Variants in CASK observed in about 807,000 individuals in gnomAD.
CASK encodes peripheral plasma membrane protein CASK.
A neutral mutation model predicts 82.9 loss-of-function variants in CASK; 4 were observed. The ratio of observed to expected loss-of-function variants is 0.05; its 90% CI spans 0.02 to 0.11. The LOEUF (loss-of-function observed/expected upper bound fraction) is 0.11. Ranked by LOEUF, CASK falls within the 10% of genes least tolerant of loss-of-function variation. The pLI, the probability that CASK is intolerant of heterozygous loss-of-function variation, is 1.00. For missense variants in CASK, 358 were observed against 720.9 expected, an observed-to-expected ratio of 0.50 and a Z score of 5.76; for synonymous variants, 259 against 253.5, an observed-to-expected ratio of 1.02 and a Z score of -0.20.
At chrX:41,877,135 C>T (rs772358738) in intron 1 of CASK, among the ~76,000 whole-genome samples, 1 of 111,754 alleles carries the variant, frequency 8.9e-6, no homozygotes, top group South Asian at 3.7e-4. Flanking sequence ...CCATAAGGCA[C>T]TGGAGGTTTA....
At chrX:41,642,420 T>A (rs1164783867) in intron 8 of CASK, among the ~76,000 whole-genome samples, 2 of 112,071 alleles carry the variant, frequency 1.8e-5, no homozygotes, top group African/African-American at 6.5e-5. Flanking sequence ...GTTTCCTGAC[T>A]TTTTAATGAT....
chrX:41,670,816 T>C (rs1334870182), intron 6 of CASK, among the ~76,000 whole-genome samples: 1 of 112,088 alleles, frequency 8.9e-6, no homozygotes, highest in East Asian at 2.8e-4. Context: ...ATGGTCTATG[T>C]TGTTACTGCT....
chrX:41,523,159 TTAAA>T (rs1477971044), intron 26 of CASK: 2 of 112,448 alleles, frequency 1.8e-5, no homozygotes, highest in African/African-American at 6.5e-5. Context: ...TGCTTATGTA[TTAAA>T]TAAGATGGGA....
At chrX:41,785,609 T>C (rs1013516165) in intron 3 of CASK, among the ~76,000 whole-genome samples, 6 of 112,713 alleles carry the variant, frequency 5.3e-5, no homozygotes, top group Non-Finnish European at 1.1e-4. Flanking sequence ...CACTTACTCA[T>C]ATTTGAATGA....
At chrX:41,643,838 T>C (rs1340644398) in intron 8 of CASK, among the ~76,000 whole-genome samples, 7 of 111,632 alleles carry the variant, frequency 6.3e-5, no homozygotes, top group East Asian at 2.8e-4. Context: ...GAGAGGGCAT[T>C]CCTGTCTTGT....
intron 1 of CASK, 57 bp downstream of exon 1, chrX:41,922,873 C>G (rs187939255): frequency 1.8e-6 from 2 of 1,099,158 alleles, no homozygotes; most frequent in Non-Finnish European, 2.5e-6. Context: ...GCGGGAAGAC[C>G]GGGGCATCAC....
In CASK at chrX:41,923,093, C is replaced by T. The variant is rs941890128; in HGVS notation, c.-105G>A. The T allele has an allele frequency of 5.7e-6, 4 of 696,032 alleles. No homozygotes were observed. Among genetic ancestry groups the T allele is most frequent in the Non-Finnish European group, 8.9e-6 (4 of 450,662 alleles). The allele number at this position is 696,032 out of a possible 1,213,427, so 57.4% of individuals were successfully genotyped here. A position where few individuals can be genotyped will look rare whatever the true frequency, so the allele number is the denominator to read the frequency against. On this transcript the variant is annotated 5_prime_UTR_variant, in exon 1 of 27. Coordinates refer to ENST00000378163, the MANE Select transcript of CASK (RefSeq NM_001367721.1). ...CCGGGATCGCCTCCTCCCCTCAGGA[C>T]CCGCGAGCCCTCGGTGCCGAGGACG...
chrX:41,707,865 A>C (rs191919017), intron 5 of CASK, among the ~76,000 whole-genome samples: 9 of 111,802 alleles, frequency 8.0e-5, no homozygotes, highest in African/African-American at 2.9e-4. Flanking sequence ...ATTATAAGCT[A>C]TCTCTTCACT....
chrX:41,919,784 A>G (rs575994295), intron 1 of CASK, among the ~76,000 whole-genome samples: 9 of 112,549 alleles, frequency 8.0e-5, no homozygotes, highest in Middle Eastern at 9.2e-3. Flanking sequence ...CACAGGGAAA[A>G]GAGTTTTAAT....
intron 2 of CASK, among the ~76,000 whole-genome samples, chrX:41,819,141 C>G (rs1298167274): frequency 3.6e-5 from 4 of 111,045 alleles, no homozygotes; most frequent in Non-Finnish European, 7.6e-5. Flanking sequence ...AAATAATAAA[C>G]CTCTAGCTAA....
chrX:41,596,357 G>A (rs767646649), intron 12 of CASK, among the ~76,000 whole-genome samples: 2 of 112,523 alleles, frequency 1.8e-5, no homozygotes, highest in South Asian at 3.6e-4. Flanking sequence ...GCATGGCTGT[G>A]TTCCAATAAA....
chrX:41,727,869 T>TCA (rs1252758363), intron 5 of CASK: 1 of 1,201,911 alleles, frequency 8.3e-7, no homozygotes, highest in East Asian at 3.0e-5. Flanking sequence ...GAGATAACTG[T>TCA]CAGCAATTGA....
chrX:41,743,141 G>T (rs1280779694), intron 4 of CASK, among the ~76,000 whole-genome samples: 1 of 111,843 alleles, frequency 8.9e-6, no homozygotes, highest in African/African-American at 3.2e-5. Flanking sequence ...AGATAGGCTT[G>T]AAGTTAAGGA....
chrX:41,645,250 T>C lies in CASK; in HGVS notation c.832-8589A>G, dbSNP rs191472880. ...TAACAACTCCCCACTCCCAATTACATTTGGCATTGTTTACTTTAAATTTTT... is the reference window on the plus strand; with the variant it reads ...TAACAACTCCCCACTCCCAATTACACTTGGCATTGTTTACTTTAAATTTTT... On this transcript the variant is annotated intron_variant, in intron 8 of 26. Coordinates refer to ENST00000378163, the MANE Select transcript of CASK (RefSeq NM_001367721.1). Among the ~76,000 whole-genome samples the C allele has an allele frequency of 2.7e-5, 3 of 111,687 alleles. No homozygotes were observed. In the Admixed American group the frequency reaches 2.9e-4, roughly 11 times the overall value.
chrX:41,744,670 T>C (rs2068657552), intron 4 of CASK, among the ~76,000 whole-genome samples: 1 of 111,561 alleles, frequency 9.0e-6, no homozygotes, highest in Non-Finnish European at 1.9e-5. Flanking sequence ...TTTGAGTCAT[T>C]AGGTCTTTAC....
intron 3 of CASK, among the ~76,000 whole-genome samples, chrX:41,764,191 A>C (rs888995494): frequency 6.3e-5 from 7 of 111,186 alleles, no homozygotes; most frequent in Admixed American, 1.9e-4. Flanking sequence ...ATTTTCCTAT[A>C]ATATTGTTCC....
At chrX:41,808,732 G>A (rs1290137082) in intron 2 of CASK, among the ~76,000 whole-genome samples, 1 of 112,195 alleles carries the variant, frequency 8.9e-6, no homozygotes, top group Non-Finnish European at 1.9e-5. Context: ...GTGCAGGACA[G>A]TGGGTGCAGC....
chrX:41,631,090 T>C (rs1177885034), intron 9 of CASK, among the ~76,000 whole-genome samples: 1 of 111,541 alleles, frequency 9.0e-6, no homozygotes. Flanking sequence ...GATATATGAC[T>C]AAAAGAGGCT....
chrX:41,525,510 C>G (rs2064699564), intron 25 of CASK, among the ~76,000 whole-genome samples: 1 of 110,751 alleles, frequency 9.0e-6, no homozygotes, highest in Admixed American at 9.7e-5. Flanking sequence ...CTGAGACCCT[C>G]CCATGTGCTC....
Sources: gnomAD v4.1 joint callset for allele counts (sites outside exome capture counted in the v4.1 genomes callset) on GRCh38, gnomAD v4.1.1 for gene constraint, MANE v1.5 for transcripts, NCBI Gene and HGNC (gene_info 2026-07-23, HGNC 2026-07-21) for gene names.